DNMT3A: variants seen among roughly 807,000 people sequenced by gnomAD.
The protein encoded by DNMT3A is DNA (cytosine-5)-methyltransferase 3A.
In DNMT3A, 267 loss-of-function variants were observed where a neutral mutation model predicts 117.6. The observed-to-expected ratio is 2.27, with a 90% CI of 2.05 to 2.51. The LOEUF (loss-of-function observed/expected upper bound fraction) is 2.51. Ranked by LOEUF, DNMT3A falls within the 30% of genes most tolerant of loss-of-function variation. DNMT3A has a pLI of 0.00. For missense variants in DNMT3A, 1,029 were observed against 1,260.2 expected (o/e 0.82, Z 2.78); for synonymous variants, 432 against 474.8 (o/e 0.91, Z 1.17).
At chr2:25,333,964 T>A (rs1281024325) in intron 1 of DNMT3A, among the ~76,000 whole-genome samples, 1 of 152,234 alleles carries the variant, frequency 6.6e-6, no homozygotes, top group Non-Finnish European at 1.5e-5. Flanking sequence ...TTTTTTGCCC[T>A]GCACATCTGT....
intron 6 of DNMT3A, among the ~76,000 whole-genome samples, chr2:25,265,701 C>A (rs2030269363): frequency 6.6e-6 from 1 of 151,904 alleles, no homozygotes. Flanking sequence ...TGCCTGTAAT[C>A]CTAGCTACTT....
chr2:25,252,376 A>ACCTGTCTCTTATACACAT lies in DNMT3A; in HGVS notation c.640-4125_640-4124insATGTGTATAAGAGACAGG. On this transcript the variant is annotated intron_variant, in intron 6 of 22. Transcript: ENST00000321117. The surrounding 1 kb of genome is among the most constrained non-coding windows in gnomAD (Gnocchi z 5.5). ...GGAGGGAACATTTTCTTTGTCTAGG[A>ACCTGTCTCTTATACACAT]CTCCAGGTCACGTGGGCCCCGCTGG... The ACCTGTCTCTTATACACAT allele has an allele frequency of 1.6e-6, 1 of 613,312 alleles. No homozygotes were observed. Among genetic ancestry groups the ACCTGTCTCTTATACACAT allele is most frequent in the Admixed American group, 4.2e-5 (1 of 23,780 alleles). 38.0% of individuals were successfully genotyped at this position (613,312 alleles called of 1,614,324 possible). A position where few individuals can be genotyped will look rare whatever the true frequency, so the allele number is the denominator to read the frequency against.
chr2:25,279,700 T>A (rs2031739049), intron 4 of DNMT3A, among the ~76,000 whole-genome samples: 1 of 151,988 alleles, frequency 6.6e-6, no homozygotes, highest in Non-Finnish European at 1.5e-5. Flanking sequence ...TTTTTGTATT[T>A]TTTTGAGATG....
chr2:25,243,385 G>A (rs1329308044), intron 16 of DNMT3A, among the ~76,000 whole-genome samples: 2 of 151,864 alleles, frequency 1.3e-5, no homozygotes, highest in East Asian at 1.9e-4. Flanking sequence ...TTACAAAACC[G>A]TGTGCATTCA....
At chr2:25,279,834 G>C (rs1558702464) in intron 4 of DNMT3A, among the ~76,000 whole-genome samples, 1 of 152,014 alleles carries the variant, frequency 6.6e-6, no homozygotes, top group Non-Finnish European at 1.5e-5. Flanking sequence ...CTACAGGCAT[G>C]CACCACCAAG....
At chr2:25,312,731 A>T (rs2034187802) in intron 2 of DNMT3A, among the ~76,000 whole-genome samples, 1 of 152,202 alleles carries the variant, frequency 6.6e-6, no homozygotes. Flanking sequence ...AGGAAACAGA[A>T]ACACACTCTG....
chr2:25,308,882 A>T (rs1296542530), intron 2 of DNMT3A, among the ~76,000 whole-genome samples: 1 of 152,060 alleles, frequency 6.6e-6, no homozygotes, highest in Non-Finnish European at 1.5e-5. Context: ...AGCCCACGAG[A>T]AATCAGTGGC....
At chr2:25,243,757 C>T in intron 16 of DNMT3A, 141 bp downstream of exon 16, 2 of 985,036 alleles carry the variant, frequency 2.0e-6, no homozygotes, top group Non-Finnish European at 3.1e-6. Context: ...GTTTCCACTT[C>T]ACACACAAGC....
rs933459193 is a variant in DNMT3A at position 25,298,934 on chromosome 2, A to C, written c.177+1205T>G. 2.0e-4 allele frequency among the ~76,000 whole-genome samples: 20 copies of C among 101,958 alleles called. No homozygotes were observed. The highest frequency in any genetic ancestry group is 7.2e-4 in the South Asian group (2 of 2,784). The allele number at this position is 101,958 out of a possible 152,430, so 66.9% of individuals were successfully genotyped here. A position where few individuals can be genotyped will look rare whatever the true frequency, so the allele number is the denominator to read the frequency against. On this transcript the variant is annotated intron_variant, in intron 3 of 22. Coordinates refer to ENST00000321117, the MANE Select transcript of DNMT3A (RefSeq NM_022552.5). The surrounding 1 kb of genome is among the most constrained non-coding windows in gnomAD (Gnocchi z 4.3). Reference sequence around the variant, plus strand: ...CCACACCCCCCACCTCCAGGAACTCACCACCCCCCCCGCCTCTACTGTCCC... The same window carrying C: ...CCACACCCCCCACCTCCAGGAACTCCCCACCCCCCCCGCCTCTACTGTCCC...
At position 25,240,733 on chromosome 2, in the gene DNMT3A, G is replaced by A. The variant is rs2149274549; in HGVS notation, c.2083-3C>T. The A allele has an allele frequency of 6.2e-7, 1 of 1,614,138 alleles. No homozygotes were observed. The highest frequency in any genetic ancestry group is 8.5e-7 in the Non-Finnish European group (1 of 1,179,980). On this transcript the variant is annotated splice_polypyrimidine_tract_variant and splice_region_variant and intron_variant, in intron 17 of 22. Coordinates refer to ENST00000321117, the MANE Select transcript of DNMT3A (RefSeq NM_022552.5). ...TCGAATGGGCCCCACTCCTGGATCT[G>A]GGAGGATAAAGGCAACGTGATGGGC...
At chr2:25,328,773 G>C in intron 1 of DNMT3A, 1 of 467,782 alleles carries the variant, frequency 2.1e-6, no homozygotes, top group Non-Finnish European at 4.5e-6. Context: ...TCAGTGGAAA[G>C]GCTGTTTGCA....
intron 1 of DNMT3A, among the ~76,000 whole-genome samples, chr2:25,332,525 A>G (rs1421478057): frequency 6.6e-6 from 1 of 152,214 alleles, no homozygotes; most frequent in Non-Finnish European, 1.5e-5. Flanking sequence ...GGCACACAGT[A>G]GGTCTCTTAG....
chr2:25,297,417 C>T (rs2033154446), intron 3 of DNMT3A, among the ~76,000 whole-genome samples: 2 of 152,088 alleles, frequency 1.3e-5, no homozygotes, highest in Non-Finnish European at 1.5e-5. Flanking sequence ...GAGGCTGATG[C>T]TGGGCCCCCA....
In DNMT3A at chr2:25,315,029, C is replaced by T. The variant is rs114096282; in HGVS notation, c.-177-868G>A. On this transcript the variant is annotated intron_variant, in intron 1 of 22. Transcript: ENST00000321117. ...CAAGAGCTCCCCTGCTCCCCACCCC[C>T]GGAGGAGGCGGCCGCCAAGCCCCTG... 9.0e-3 allele frequency among the ~76,000 whole-genome samples: 1,364 copies of T among 152,312 alleles called. 26 individuals are homozygous for T. Among genetic ancestry groups the T allele is most frequent in the African/African-American group, 0.031 (1,296 of 41,560 alleles).
At chr2:25,290,518 C>T (rs1278384481) in intron 3 of DNMT3A, among the ~76,000 whole-genome samples, 2 of 152,094 alleles carry the variant, frequency 1.3e-5, no homozygotes, top group Non-Finnish European at 2.9e-5. Flanking sequence ...GATGGGGTTT[C>T]GCCATGTTGG....
chr2:25,303,995 C>A (rs1049399354), intron 2 of DNMT3A, among the ~76,000 whole-genome samples: 1 of 152,220 alleles, frequency 6.6e-6, no homozygotes, highest in Non-Finnish European at 1.5e-5. Context: ...GCAAGTAGCC[C>A]TGAATTAGGA....
intron 3 of DNMT3A, among the ~76,000 whole-genome samples, chr2:25,287,270 C>T (rs1299771260): frequency 6.6e-6 from 1 of 152,008 alleles, no homozygotes; most frequent in African/African-American, 2.4e-5. Flanking sequence ...GTGACAATTT[C>T]AGAATGGGAA....
intron 22 of DNMT3A, 64 bp downstream of exon 22, chr2:25,235,643 C>T: frequency 1.5e-6 from 2 of 1,315,944 alleles, no homozygotes; most frequent in Admixed American, 1.8e-5. Flanking sequence ...GCAGAGGACC[C>T]CCGCAGCAAG....
In DNMT3A at chr2:25,298,352, C is replaced by T. The variant is rs1272544446; in HGVS notation, c.177+1787G>A. 6.6e-6 allele frequency among the ~76,000 whole-genome samples: 1 copy of T among 152,242 alleles called. No individual in the cohort carries two copies. Among genetic ancestry groups the T allele is most frequent in the Non-Finnish European group, 1.5e-5 (1 of 68,036 alleles). ...AGGTGATGTCCCCACACTCCTGTCC[C>T]TGACTTCCTTGTACCTTTTCACCCG... On this transcript the variant is annotated intron_variant, in intron 3 of 22. Coordinates refer to ENST00000321117, the MANE Select transcript of DNMT3A (RefSeq NM_022552.5). This position sits in a 1 kb window ranked among gnomAD's most constrained non-coding sequence, Gnocchi z 4.3.
Sources: allele counts gnomAD v4.1 joint callset (sites outside exome capture counted in the v4.1 genomes callset), GRCh38; gene constraint gnomAD v4.1.1; non-coding constraint Gnocchi (gnomAD v3.1); transcripts MANE v1.5; gene names NCBI Gene and HGNC (gene_info 2026-07-23, HGNC 2026-07-21).